Variants in ZNF804B observed in about 807,000 individuals in gnomAD.
The protein encoded by ZNF804B is zinc finger 804B.
ZNF804B carries 80 observed loss-of-function variants against 101.4 expected under a neutral mutation model. The observed-to-expected ratio is 0.79, with a 90% confidence interval of 0.66 to 0.95. ZNF804B has a LOEUF of 0.95. Among genes scored for constraint, ZNF804B ranks in the 40% least tolerant of loss-of-function variants. The pLI is 0.00. For synonymous variants in ZNF804B, 622 were observed against 558.8 expected (o/e 1.11, Z -1.59); for missense variants, 1,673 against 1,561.9 (o/e 1.07, Z -1.20).
At chr7:88,832,615 C>T (rs1320851484) in intron 1 of ZNF804B, among the ~76,000 whole-genome samples, 4 of 151,580 alleles carry the variant, frequency 2.6e-5, no homozygotes, top group African/African-American at 9.7e-5. Flanking sequence ...AAAAAAAAAT[C>T]TAGGGAAGAA....
chr7:88,978,774 C>G (rs1287956752), intron 1 of ZNF804B, among the ~76,000 whole-genome samples: 1 of 149,992 alleles, frequency 6.7e-6, no homozygotes, highest in East Asian at 2.0e-4. Flanking sequence ...GTGATTCATT[C>G]TCTCCCTTCC....
chr7:89,110,860 AT>A (rs911296837), intron 1 of ZNF804B, among the ~76,000 whole-genome samples: 3 of 151,812 alleles, frequency 2.0e-5, no homozygotes, highest in African/African-American at 2.4e-5. Flanking sequence ...AATATCTACT[AT>A]TTTTTTTCAT....
chr7:89,336,186 A>G lies in ZNF804B; in HGVS notation c.3204A>G (p.Pro1068=), dbSNP rs565757284. The change falls in exon 4 of 4, where the codon CCA becomes CCG. Residue 1068 remains proline, a synonymous_variant. Coordinates refer to ENST00000333190, the MANE Select transcript of ZNF804B (RefSeq NM_181646.5). Reference sequence around the variant, plus strand: ...AACCTTTTATTCAAAGCTGTGACCCAGTACCAAATGAATTCCCTGGTGCTT... The same window carrying G: ...AACCTTTTATTCAAAGCTGTGACCCGGTACCAAATGAATTCCCTGGTGCTT... ...EIQPFIQSCD[P]VPNEFPGAFP... 105 of 1,613,904 alleles carry G rather than the reference A, an allele frequency of 6.5e-5. 1 individual carries two copies. The South Asian group carries it at 1.1e-3, about 17-fold the overall frequency.
At chr7:88,926,574 C>T (rs746537914) in intron 1 of ZNF804B, among the ~76,000 whole-genome samples, 3 of 152,034 alleles carry the variant, frequency 2.0e-5, no homozygotes, top group Non-Finnish European at 4.4e-5. Context: ...CGCCATAGCA[C>T]TCCAGCCTGG....
intron 1 of ZNF804B, among the ~76,000 whole-genome samples, chr7:88,927,012 G>A (rs756327374): frequency 1.4e-4 from 22 of 151,852 alleles, no homozygotes; most frequent in South Asian, 4.1e-4. Flanking sequence ...AAAGTGAGTG[G>A]CAGCGCATAC....
At chr7:89,289,656 C>A (rs764861769) in intron 2 of ZNF804B, among the ~76,000 whole-genome samples, 3 of 151,764 alleles carry the variant, frequency 2.0e-5, no homozygotes, top group Admixed American at 2.0e-4. Flanking sequence ...ATGGAGGGAG[C>A]ATTTAGACCA....
chr7:89,136,712 C>A (rs951498363), intron 1 of ZNF804B, among the ~76,000 whole-genome samples: 5 of 149,452 alleles, frequency 3.3e-5, no homozygotes, highest in Non-Finnish European at 7.4e-5. Flanking sequence ...CTTTTTAAGG[C>A]TGAATTATAT....
rs763500905 is a variant in ZNF804B at position 88,760,032 on chromosome 7, G to C, written c.56G>C (p.Gly19Ala). Reference sequence around the variant, plus strand: ...CATCTCAGCAATGGGCACTACCGGGGCATTAAAGGAGTCTTCAGGGGACCC... The same window carrying C: ...CATCTCAGCAATGGGCACTACCGGGCCATTAAAGGAGTCTTCAGGGGACCC... ...SRHLSNGHYR[G>A]IKGVFRGPLC... Residue 19 changes from glycine (G) to alanine (A), a missense_variant, in exon 1 of 4, where the codon GGC becomes GCC. Gly to Ala is a moderately conservative substitution (Grantham distance 60). Transcript: ENST00000333190. 1.2e-6 allele frequency: 2 copies of C among 1,614,206 alleles called. No homozygotes were observed. Among genetic ancestry groups the C allele is most frequent in the South Asian group, 1.1e-5 (1 of 91,082 alleles).
chr7:88,876,161 C>T (rs1791936238), intron 1 of ZNF804B, among the ~76,000 whole-genome samples: 1 of 152,146 alleles, frequency 6.6e-6, no homozygotes. Flanking sequence ...TCAAGTCTAT[C>T]TCTTTTACTG....
At chr7:88,800,450 G>A (rs1397664833) in intron 1 of ZNF804B, among the ~76,000 whole-genome samples, 1 of 152,070 alleles carries the variant, frequency 6.6e-6, no homozygotes, top group African/African-American at 2.4e-5. Flanking sequence ...ACTATTTGTA[G>A]AAAAATGTGC....
intron 1 of ZNF804B, among the ~76,000 whole-genome samples, chr7:88,800,634 A>G (rs1436662917): frequency 6.6e-6 from 1 of 152,042 alleles, no homozygotes; most frequent in Non-Finnish European, 1.5e-5. Flanking sequence ...ATTTGGAAAC[A>G]TTTAAATTTG....
At chr7:88,853,102 A>T (rs1463150572) in intron 1 of ZNF804B, among the ~76,000 whole-genome samples, 1 of 152,036 alleles carries the variant, frequency 6.6e-6, no homozygotes, top group African/African-American at 2.4e-5. Flanking sequence ...GTATTTGCAC[A>T]TGTGTGTTTT....
intron 1 of ZNF804B, among the ~76,000 whole-genome samples, chr7:89,070,731 A>G (rs1180886584): frequency 1.3e-5 from 2 of 152,120 alleles, no homozygotes; most frequent in African/African-American, 2.4e-5. Flanking sequence ...CAAATTTTAT[A>G]AGGTCAAATT....
intron 1 of ZNF804B, among the ~76,000 whole-genome samples, chr7:88,830,373 A>G (rs1423193388): frequency 6.6e-6 from 1 of 152,086 alleles, no homozygotes. Context: ...TGCTACACAT[A>G]TATAGACAAA....
rs145523282 is a variant in ZNF804B at position 88,886,685 on chromosome 7, G to T, written c.108+126601G>T. Among the ~76,000 whole-genome samples the T allele has an allele frequency of 3.3e-3, 492 of 151,128 alleles. 2 individuals carry two copies. Among genetic ancestry groups the T allele is most frequent in the African/African-American group, 0.011 (452 of 41,076 alleles). ...TATAAGATGGCTTTTATATTTTATC[G>T]ATTTCACAATGACAAGAAGATATTC... is the stretch of plus-strand genomic sequence containing the variant. On this transcript the variant is annotated intron_variant, in intron 1 of 3. Coordinates refer to ENST00000333190, the MANE Select transcript of ZNF804B (RefSeq NM_181646.5).
At chr7:88,854,362 T>C (rs1402024752) in intron 1 of ZNF804B, among the ~76,000 whole-genome samples, 1 of 151,652 alleles carries the variant, frequency 6.6e-6, no homozygotes, top group Admixed American at 6.6e-5. Context: ...TGCTCTTAAG[T>C]ACTGCATTTT....
At chr7:88,989,576 T>C (rs182548482) in intron 1 of ZNF804B, among the ~76,000 whole-genome samples, 1 of 152,192 alleles carries the variant, frequency 6.6e-6, no homozygotes, top group Admixed American at 6.5e-5. Context: ...AAAAGAATGA[T>C]AAGTAATGCA....
At chr7:89,022,748 G>T (rs145258652) in intron 1 of ZNF804B, among the ~76,000 whole-genome samples, 1 of 152,102 alleles carries the variant, frequency 6.6e-6, no homozygotes, top group Non-Finnish European at 1.5e-5. Context: ...TTTGCTTATC[G>T]ATGAAAGAGA....
chr7:89,076,917 G>A (rs1789622733), intron 1 of ZNF804B, among the ~76,000 whole-genome samples: 1 of 152,112 alleles, frequency 6.6e-6, no homozygotes, highest in Admixed American at 6.6e-5. Context: ...AGGGCAATGG[G>A]GAGAAGAACA....
Sources: gnomAD v4.1 joint callset for allele counts (sites outside exome capture counted in the v4.1 genomes callset) on GRCh38, gnomAD v4.1.1 for gene constraint, MANE v1.5 for transcripts, NCBI Gene and HGNC (gene_info 2026-07-23, HGNC 2026-07-21) for gene names.